PLOD2: variants seen among roughly 807,000 people sequenced by gnomAD.
PLOD2 encodes lysine hydroxylase 2.
A neutral mutation model predicts 101.0 loss-of-function variants in PLOD2; 65 were observed. The ratio of observed to expected loss-of-function variants is 0.64; its 90% CI spans 0.53 to 0.79. PLOD2 has a LOEUF of 0.79. Among genes scored for constraint, PLOD2 ranks in the 30% least tolerant of loss-of-function variants. The pLI is 0.00. For missense variants in PLOD2, 909 were observed against 914.6 expected (o/e 0.99, Z 0.08); for synonymous variants, 314 against 302.9 (o/e 1.04, Z -0.38).
At chr3:146,135,295 T>C (rs544333395) in intron 1 of PLOD2, among the ~76,000 whole-genome samples, 9 of 152,290 alleles carry the variant, frequency 5.9e-5, no homozygotes, top group African/African-American at 2.2e-4. Context: ...AAGATATTAC[T>C]AGAAAATTGA....
chr3:146,108,351 A>T (rs997838060), intron 4 of PLOD2, among the ~76,000 whole-genome samples: 12 of 151,556 alleles, frequency 7.9e-5, no homozygotes, highest in Admixed American at 2.0e-4. Context: ...CAGATAATTT[A>T]AAAAAAAATT....
intron 14 of PLOD2, 200 bp from the exon 15 acceptor site, chr3:146,077,095 C>T (rs1936373499): frequency 7.9e-7 from 1 of 1,260,138 alleles, no homozygotes; most frequent in Non-Finnish European, 1.0e-6. Flanking sequence ...CCACACAAAA[C>T]TAGTAGATAG....
intron 1 of PLOD2, among the ~76,000 whole-genome samples, chr3:146,129,200 A>G (rs572765189): frequency 3.9e-5 from 6 of 152,296 alleles, no homozygotes; most frequent in Admixed American, 3.3e-4. Context: ...TAGTAAAAGC[A>G]TAATAGAGAT....
In PLOD2 at chr3:146,085,234, A is replaced by C. The variant is rs1412291613; in HGVS notation, c.1167T>G (p.Phe389Leu). The change falls in exon 11 of 20, where the codon TTT (phenylalanine) becomes TTG (leucine). Residue 389 changes from phenylalanine to leucine, a missense_variant. Phe to Leu is a conservative substitution (Grantham distance 22). Transcript: ENST00000282903. The stretch of plus-strand genomic sequence containing the variant: ...TCAAAACAACATCTGCATCCACACT[A>C]AAGTAATAATCACACTTTTCATCCT... ...CRQDEKCDYY[F>L]SVDADVVLTN... The C allele has an allele frequency of 5.0e-6, 8 of 1,608,440 alleles. No homozygotes were observed. The highest frequency in any genetic ancestry group is 1.3e-5 in the African/African-American group (1 of 74,742).
chr3:146,115,179 G>A (rs578211351), intron 3 of PLOD2, among the ~76,000 whole-genome samples: 5 of 152,178 alleles, frequency 3.3e-5, no homozygotes, highest in Admixed American at 1.3e-4. Flanking sequence ...AAGAACCTAC[G>A]TTGAAATATT....
chr3:146,102,894 C>CGT (rs761880448), intron 6 of PLOD2, 42 bp from the exon 7 acceptor site: 5 of 1,023,950 alleles, frequency 4.9e-6, no homozygotes, highest in Middle Eastern at 2.0e-4. Context: ...ATTTAAAATA[C>CGT]GTGTGTGTGT....
intron 1 of PLOD2, among the ~76,000 whole-genome samples, 194 bp from the exon 2 acceptor site, chr3:146,124,423 C>T (rs1047598927): frequency 2.6e-5 from 4 of 151,996 alleles, no homozygotes; most frequent in African/African-American, 7.2e-5. Context: ...AATGATGAAC[C>T]TTCAAATGAC....
At chr3:146,151,496 T>C (rs1317139097) in intron 1 of PLOD2, among the ~76,000 whole-genome samples, 1 of 148,064 alleles carries the variant, frequency 6.8e-6, no homozygotes, top group Admixed American at 6.7e-5. Context: ...AAACTCCGTT[T>C]CAAAAAAAAA....
chr3:146,121,847 C>T (rs1472680721), intron 2 of PLOD2, among the ~76,000 whole-genome samples: 1 of 152,038 alleles, frequency 6.6e-6, no homozygotes, highest in Non-Finnish European at 1.5e-5. Flanking sequence ...TACCCTGTAC[C>T]CTTTCTCTTC....
chr3:146,116,747 C>T (rs1937931105), intron 3 of PLOD2, among the ~76,000 whole-genome samples: 1 of 152,090 alleles, frequency 6.6e-6, no homozygotes, highest in Non-Finnish European at 1.5e-5. Flanking sequence ...CACAAAAAGA[C>T]AGTATCAGAT....
intron 7 of PLOD2, among the ~76,000 whole-genome samples, chr3:146,093,465 A>G (rs1056199475): frequency 2.6e-5 from 4 of 152,148 alleles, no homozygotes; most frequent in African/African-American, 9.7e-5. Flanking sequence ...AGAAATAAAT[A>G]TTTTACTGTT....
At chr3:146,083,951 T>C (rs1936668502) in intron 11 of PLOD2, among the ~76,000 whole-genome samples, 1 of 151,958 alleles carries the variant, frequency 6.6e-6, no homozygotes, top group Non-Finnish European at 1.5e-5. Flanking sequence ...ATACATAGTG[T>C]AAATTCATTA....
chr3:146,080,723 A>G (rs1936509360), intron 12 of PLOD2, among the ~76,000 whole-genome samples: 1 of 152,168 alleles, frequency 6.6e-6, no homozygotes, highest in South Asian at 2.1e-4. Flanking sequence ...ATGTGCCCAA[A>G]GATACAATCA....
At chr3:146,144,119 A>G (rs966793125) in intron 1 of PLOD2, among the ~76,000 whole-genome samples, 3 of 152,092 alleles carry the variant, frequency 2.0e-5, no homozygotes, top group Non-Finnish European at 2.9e-5. Context: ...CAGTACTTAT[A>G]ATGGTATTCT....
intron 1 of PLOD2, among the ~76,000 whole-genome samples, chr3:146,147,876 G>A (rs920566927): frequency 6.6e-5 from 10 of 152,186 alleles, no homozygotes; most frequent in African/African-American, 2.4e-4. Flanking sequence ...CATCCAAGGA[G>A]AGGACTTCTC....
chr3:146,155,438 C>T (rs547694992), intron 1 of PLOD2, among the ~76,000 whole-genome samples: 1 of 151,976 alleles, frequency 6.6e-6, no homozygotes, highest in African/African-American at 2.4e-5. Context: ...ATTGGCCAGG[C>T]GCGGTGGCTC....
At chr3:146,154,033 G>T (rs1404329489) in intron 1 of PLOD2, among the ~76,000 whole-genome samples, 1 of 152,000 alleles carries the variant, frequency 6.6e-6, no homozygotes, top group Non-Finnish European at 1.5e-5. Context: ...ATGCACACAA[G>T]ATAATAAAAG....
intron 1 of PLOD2, among the ~76,000 whole-genome samples, chr3:146,144,908 C>T (rs368326090): frequency 2.0e-5 from 3 of 152,128 alleles, no homozygotes; most frequent in African/African-American, 7.2e-5. Flanking sequence ...ATAGTGTGTT[C>T]ATGGACAAAT....
intron 13 of PLOD2, among the ~76,000 whole-genome samples, chr3:146,078,821 G>A (rs996823764): frequency 1.3e-5 from 2 of 151,868 alleles, no homozygotes; most frequent in African/African-American, 2.4e-5. Context: ...AATTAAAGAT[G>A]TATTCTTAAA....
Sources: allele counts gnomAD v4.1 joint callset (sites outside exome capture counted in the v4.1 genomes callset), GRCh38; gene constraint gnomAD v4.1.1; transcripts MANE v1.5; gene names NCBI Gene and HGNC (gene_info 2026-07-23, HGNC 2026-07-21).